TTC28: variants seen among roughly 807,000 people sequenced by gnomAD.
TTC28 encodes tetratricopeptide repeat protein 28.
TTC28 carries 61 observed loss-of-function variants against 198.0 expected under a neutral mutation model. That is an observed-to-expected ratio of 0.31 (90% CI 0.25 to 0.38). TTC28 has a LOEUF of 0.38. Ranked by LOEUF, TTC28 falls within the 10% of genes least tolerant of loss-of-function variation. The pLI, the probability that TTC28 is intolerant of heterozygous loss-of-function variation, is 1.00. For missense variants in TTC28, 2,678 were observed against 3,164.0 expected (o/e 0.85, Z 3.69); for synonymous variants, 1,171 against 1,297.8 (o/e 0.90, Z 2.10).
chr22:28,247,267 T>C (rs1383202237), intron 5 of TTC28, among the ~76,000 whole-genome samples: 4 of 152,018 alleles, frequency 2.6e-5, no homozygotes, highest in African/African-American at 9.7e-5. Context: ...TCACAGAAAA[T>C]TGAGGGAGTC....
In TTC28 at chr22:28,398,928, A is replaced by G. The variant is rs889699972; in HGVS notation, c.382-92285T>C. 6.6e-5 allele frequency among the ~76,000 whole-genome samples: 10 copies of G among 151,970 alleles called. No homozygotes were observed. The East Asian group carries it at 1.4e-3, about 21-fold the overall frequency. On this transcript the variant is annotated intron_variant, in intron 2 of 22. Transcript: ENST00000397906. ...TGTTACTTCAATTTAAAATAACAGG[A>G]CTACAATAACTGGTTCAGATATATG...
At chr22:28,396,729 G>A (rs1167765743) in intron 2 of TTC28, among the ~76,000 whole-genome samples, 2 of 152,182 alleles carry the variant, frequency 1.3e-5, no homozygotes, top group East Asian at 1.9e-4. Context: ...TTATAAGGCT[G>A]TGGAAGAGTC....
intron 12 of TTC28, among the ~76,000 whole-genome samples, chr22:28,057,476 T>C (rs1940335560): frequency 6.6e-6 from 1 of 152,152 alleles, no homozygotes; most frequent in Non-Finnish European, 1.5e-5. Flanking sequence ...CGTTTTAAAT[T>C]GGATTATTCT....
At chr22:28,083,810 C>T (rs921615934) in intron 12 of TTC28, among the ~76,000 whole-genome samples, 2 of 152,190 alleles carry the variant, frequency 1.3e-5, no homozygotes, top group Admixed American at 6.5e-5. Flanking sequence ...GTCACTCCCA[C>T]CCTCATACTG....
chr22:28,239,273 A>G (rs1433541365), intron 5 of TTC28, among the ~76,000 whole-genome samples: 3 of 152,182 alleles, frequency 2.0e-5, no homozygotes, highest in East Asian at 3.8e-4. Context: ...TCTTTGTCCA[A>G]TATGGTAGCC....
intron 5 of TTC28, among the ~76,000 whole-genome samples, chr22:28,211,723 G>A (rs943325256): frequency 2.0e-5 from 3 of 152,022 alleles, no homozygotes; most frequent in Admixed American, 6.5e-5. Context: ...ACAGATCAAC[G>A]AGACAGAAAG....
chr22:28,560,918 A>G (rs961166756), intron 2 of TTC28, among the ~76,000 whole-genome samples: 8 of 148,024 alleles, frequency 5.4e-5, no homozygotes, highest in Admixed American at 4.7e-4. Context: ...CACCATGCCC[A>G]GCTAATTTTT....
At chr22:28,348,194 A>T (rs1026491280) in intron 2 of TTC28, among the ~76,000 whole-genome samples, 3 of 152,224 alleles carry the variant, frequency 2.0e-5, no homozygotes, top group African/African-American at 7.2e-5. Context: ...TCTCTTAGAC[A>T]CTAGGAACAA....
At chr22:28,378,722 T>C (rs134526) in intron 2 of TTC28, among the ~76,000 whole-genome samples, 37,777 of 151,188 alleles carry the variant, frequency 0.25, 4,876 homozygotes, top group African/African-American at 0.28. Flanking sequence ...AATAGATTAG[T>C]AGATTTGAAG....
intron 3 of TTC28, among the ~76,000 whole-genome samples, chr22:28,306,217 A>G (rs2045142487): frequency 6.6e-6 from 1 of 152,246 alleles, no homozygotes; most frequent in Non-Finnish European, 1.5e-5. Context: ...AAGCCAAAGA[A>G]GTTGATCCAT....
At chr22:28,569,711 G>C (rs756914043) in intron 2 of TTC28, among the ~76,000 whole-genome samples, 6 of 152,082 alleles carry the variant, frequency 3.9e-5, no homozygotes, top group Non-Finnish European at 7.4e-5. Context: ...TTGGCAAGTG[G>C]GACCTAATTA....
At chr22:28,676,013 T>C (rs1045112952) in intron 1 of TTC28, among the ~76,000 whole-genome samples, 1 of 152,086 alleles carries the variant, frequency 6.6e-6, no homozygotes, top group Non-Finnish European at 1.5e-5. Flanking sequence ...TCCTTAGGTA[T>C]ATACCCAAGG....
At chr22:28,481,822 A>G (rs1163828558) in intron 2 of TTC28, among the ~76,000 whole-genome samples, 1 of 152,132 alleles carries the variant, frequency 6.6e-6, no homozygotes, top group African/African-American at 2.4e-5. Flanking sequence ...TTGTGCTGCA[A>G]TGCTTCCACA....
At chr22:28,300,669 T>C (rs2045001329) in intron 3 of TTC28, among the ~76,000 whole-genome samples, 1 of 152,172 alleles carries the variant, frequency 6.6e-6, no homozygotes, top group African/African-American at 2.4e-5. Flanking sequence ...GAAAGCTTCA[T>C]GGAAGAAGAA....
intron 12 of TTC28, among the ~76,000 whole-genome samples, chr22:28,084,942 G>T (rs920013975): frequency 1.6e-4 from 25 of 151,982 alleles, no homozygotes; most frequent in Admixed American, 1.6e-3. Context: ...CAAATGAAAC[G>T]TGAAGAGAAG....
At chr22:28,196,826 C>T (rs1925399301) in intron 5 of TTC28, among the ~76,000 whole-genome samples, 1 of 152,156 alleles carries the variant, frequency 6.6e-6, no homozygotes, top group African/African-American at 2.4e-5. Context: ...ATTGGTGGGA[C>T]TGTAAACTAG....
intron 6 of TTC28, among the ~76,000 whole-genome samples, chr22:28,141,036 T>C (rs930432095): frequency 2.0e-5 from 3 of 151,412 alleles, no homozygotes; most frequent in African/African-American, 7.3e-5. Flanking sequence ...TTAACTGTAC[T>C]TTTAACAGAT....
chr22:28,101,090 C>T, intron 9 of TTC28, 81 bp downstream of exon 9: 1 of 1,022,156 alleles, frequency 9.8e-7, no homozygotes, highest in Admixed American at 2.8e-5. Flanking sequence ...TTGTAAATGC[C>T]ATCACTACTA....
intron 1 of TTC28, among the ~76,000 whole-genome samples, chr22:28,657,875 T>TC (rs1375396327): frequency 6.6e-6 from 1 of 151,734 alleles, no homozygotes; most frequent in African/African-American, 2.4e-5. Context: ...AGAGCAACAC[T>TC]CCATCTAAAA....
Sources: allele counts gnomAD v4.1 joint callset (sites outside exome capture counted in the v4.1 genomes callset), GRCh38; gene constraint gnomAD v4.1.1; transcripts MANE v1.5; gene names NCBI Gene and HGNC (gene_info 2026-07-23, HGNC 2026-07-21).